OR51B5: variants seen among roughly 807,000 people sequenced by gnomAD.
OR51B5 encodes olfactory receptor 51B5.
For missense variants in OR51B5, 456 were observed against 374.6 expected (o/e 1.22, Z -1.79); for synonymous variants, 186 against 144.8 (o/e 1.28, Z -2.04).
intron 1 of OR51B5, among the ~76,000 whole-genome samples, chr11:5,437,251 G>T (rs1178725030): frequency 6.6e-6 from 1 of 152,084 alleles, no homozygotes; most frequent in Non-Finnish European, 1.5e-5. Flanking sequence ...GCAACTCTGT[G>T]CTCAGAACCC....
At chr11:5,422,437 C>T in intron 1 of OR51B5, 1 of 1,614,202 alleles carries the variant, frequency 6.2e-7, no homozygotes, top group Non-Finnish European at 8.5e-7. Context: ...CCCTCACCAC[C>T]CTACCCACAG....
At chr11:5,401,937 ATTATTCTTTCCTCTCT>A (rs1849976672) in intron 1 of OR51B5, among the ~76,000 whole-genome samples, 1 of 110,022 alleles carries the variant, frequency 9.1e-6, no homozygotes. Flanking sequence ...CTTTTCTTTT[ATTATTCTTTCCTCTCT>A]TCTTTCCTTC....
chr11:5,472,439 G>A (rs887601427), intron 1 of OR51B5, among the ~76,000 whole-genome samples: 1 of 152,004 alleles, frequency 6.6e-6, no homozygotes, highest in Non-Finnish European at 1.5e-5. Context: ...TCCACTGAAG[G>A]GAGAAATACC....
intron 1 of OR51B5, chr11:5,489,687 TA>T (rs575645666): frequency 3.7e-5 from 55 of 1,483,044 alleles, no homozygotes; most frequent in Middle Eastern, 1.8e-4. Flanking sequence ...GTTGGAGATT[TA>T]AAAAAAAGTG....
intron 1 of OR51B5, among the ~76,000 whole-genome samples, chr11:5,395,365 T>C (rs1302293592): frequency 6.6e-6 from 1 of 152,164 alleles, no homozygotes; most frequent in Non-Finnish European, 1.5e-5. Context: ...TCCTTTGTTT[T>C]GTGGATAAAG....
At chr11:5,377,124 A>G (rs995931515) in intron 1 of OR51B5, among the ~76,000 whole-genome samples, 6 of 152,044 alleles carry the variant, frequency 3.9e-5, no homozygotes, top group East Asian at 3.8e-4. Flanking sequence ...GATCAAGTGG[A>G]CTTCATCCCT....
At chr11:5,416,028 T>C (rs1297933250) in intron 1 of OR51B5, among the ~76,000 whole-genome samples, 1 of 146,812 alleles carries the variant, frequency 6.8e-6, no homozygotes, top group African/African-American at 2.5e-5. Context: ...AAATCCTCAA[T>C]AAAATACTGG....
intron 1 of OR51B5, among the ~76,000 whole-genome samples, chr11:5,376,395 TA>T (rs1415782858): frequency 2.8e-4 from 43 of 151,834 alleles, no homozygotes; most frequent in African/African-American, 1.0e-3. Flanking sequence ...ACATCACAAT[TA>T]AAAGAACTAG....
At chr11:5,430,920 C>T (rs1589992761) in intron 1 of OR51B5, 2 of 456,910 alleles carry the variant, frequency 4.4e-6, no homozygotes, top group African/African-American at 4.0e-5. Context: ...AAGCAATGCC[C>T]ATCACTGTAT....
intron 1 of OR51B5, among the ~76,000 whole-genome samples, chr11:5,350,072 C>T (rs1849053940): frequency 6.6e-6 from 1 of 152,110 alleles, no homozygotes; most frequent in Non-Finnish European, 1.5e-5. Flanking sequence ...GACATGTACT[C>T]ACTAGAGAAA....
chr11:5,396,467 G>C (rs150687544), intron 1 of OR51B5, among the ~76,000 whole-genome samples: 284 of 152,220 alleles, frequency 1.9e-3, no homozygotes, highest in African/African-American at 6.5e-3. Flanking sequence ...AATTGCTTCA[G>C]AGAGAATATA....
At chr11:5,496,705 CCT>C (rs1212646657) in intron 1 of OR51B5, among the ~76,000 whole-genome samples, 3 of 152,144 alleles carry the variant, frequency 2.0e-5, no homozygotes, top group Admixed American at 2.0e-4. Context: ...AGGAATATCC[CCT>C]GACACTAGAA....
chr11:5,477,601 C>T (rs951498061), intron 1 of OR51B5, among the ~76,000 whole-genome samples: 5 of 152,262 alleles, frequency 3.3e-5, no homozygotes, highest in South Asian at 2.1e-4. Flanking sequence ...TCTGAGGTAC[C>T]GGGTTCATAT....
intron 1 of OR51B5, among the ~76,000 whole-genome samples, chr11:5,398,131 A>G (rs1467954781): frequency 1.3e-5 from 2 of 152,198 alleles, no homozygotes; most frequent in African/African-American, 2.4e-5. Flanking sequence ...CAGCACACCA[A>G]CATGGCACAT....
At chr11:5,352,439 G>T (rs753316687) in intron 1 of OR51B5, 8 of 1,579,356 alleles carry the variant, frequency 5.1e-6, no homozygotes, top group Non-Finnish European at 6.9e-6. Context: ...CCTCACTCTA[G>T]AGCATGACAT....
chr11:5,399,897 T>A (rs962933386), intron 1 of OR51B5, among the ~76,000 whole-genome samples: 1 of 152,030 alleles, frequency 6.6e-6, no homozygotes, highest in Non-Finnish European at 1.5e-5. Context: ...AATATCCGGT[T>A]ATTTGAGGTG....
At chr11:5,479,074 T>C (rs904935073) in intron 1 of OR51B5, among the ~76,000 whole-genome samples, 1 of 151,210 alleles carries the variant, frequency 6.6e-6, no homozygotes, top group African/African-American at 2.4e-5. Context: ...TTCACCAAAG[T>C]TGAAATGAAG....
chr11:5,447,959 C>T (rs187614752), intron 1 of OR51B5, among the ~76,000 whole-genome samples: 1 of 152,204 alleles, frequency 6.6e-6, no homozygotes, highest in East Asian at 1.9e-4. Flanking sequence ...ATTCTTGAGA[C>T]CCCAGAATCA....
intron 1 of OR51B5, among the ~76,000 whole-genome samples, chr11:5,393,606 T>G (rs1195026266): frequency 6.6e-6 from 1 of 152,060 alleles, no homozygotes; most frequent in Non-Finnish European, 1.5e-5. Flanking sequence ...AAGATGACAA[T>G]GAAGATGATA....
Sources: allele counts gnomAD v4.1 joint callset (sites outside exome capture counted in the v4.1 genomes callset), GRCh38; gene constraint gnomAD v4.1.1; transcripts MANE v1.5; gene names NCBI Gene and HGNC (gene_info 2026-07-23, HGNC 2026-07-21).